ZNF737: variants seen among roughly 807,000 people sequenced by gnomAD.
ZNF737 encodes the protein zinc finger protein 737.
A neutral mutation model predicts 11.7 loss-of-function variants in ZNF737; 13 were observed. That is an observed-to-expected ratio of 1.11 (90% CI 0.73 to 1.77). ZNF737 has a LOEUF of 1.77. ZNF737 is among the 40% of genes most tolerant of loss of function. ZNF737 has a pLI of 0.00. For missense variants in ZNF737, 636 were observed against 638.0 expected, an observed-to-expected ratio of 1.00 and a Z score of 0.03; for synonymous variants, 217 against 216.2, an observed-to-expected ratio of 1.00 and a Z score of -0.03.
downstream of ZNF737, among the ~76,000 whole-genome samples, chr19:20,531,917 A>G (rs1967839018): frequency 1.3e-5 from 2 of 150,310 alleles, no homozygotes; most frequent in Non-Finnish European, 3.0e-5. Flanking sequence ...TCCCCAAAAG[A>G]CATTTTTAAT....
chr19:20,545,946 C>T lies in ZNF737; in HGVS notation c.257G>A (p.Trp86Ter). ...AGAATCTTTTATGCTCTGCTCTGGC[C>T]AAAGATCTCGGGCAAAATGAGAACA... The part of the protein sequence containing the change: ...VTCSHFARDL[W>*]PEQSIKDSFQ... Residue 86 changes from tryptophan (W) to a stop codon, truncating the protein, a stop_gained, in exon 4 of 4, where the codon TGG becomes TAG. Transcript: ENST00000427401. LOFTEE classifies it low-confidence loss of function (END_TRUNC). 1.3e-6 allele frequency: 2 copies of T among 1,558,612 alleles called. No homozygotes were observed. Among genetic ancestry groups the T allele is most frequent in the African/African-American group, 1.4e-5 (1 of 72,386 alleles).
At chr19:20,530,538 C>T in the ZNF737 span, among the ~76,000 whole-genome samples, 1 of 146,670 alleles carries the variant, frequency 6.8e-6, no homozygotes, top group African/African-American at 2.5e-5. Flanking sequence ...GGAGGGTCTC[C>T]TCACTTCTCA....
At chr19:20,556,314 C>A (rs567588871) in intron 1 of ZNF737, among the ~76,000 whole-genome samples, 1 of 152,262 alleles carries the variant, frequency 6.6e-6, no homozygotes, top group South Asian at 2.1e-4. Context: ...CCACCCAGAA[C>A]AATAAACAGA....
chr19:20,549,619 A>C (rs1968592294), intron 3 of ZNF737, among the ~76,000 whole-genome samples: 1 of 152,068 alleles, frequency 6.6e-6, no homozygotes, highest in Admixed American at 6.6e-5. Flanking sequence ...TGTATGCAAC[A>C]TTGAAGTATA....
chr19:20,539,237 C>T lies in ZNF737; in HGVS notation c.*5355G>A, dbSNP rs1968100642. 2 of 876,288 alleles carry T rather than the reference C, an allele frequency of 2.3e-6. No individual in the cohort carries two copies. The highest frequency in any genetic ancestry group is 1.2e-4 in the East Asian group (1 of 8,212). The allele number at this position is 876,288 out of a possible 1,614,324, so 54.3% of individuals were successfully genotyped here. ...CCAGGGAGGTGGAGGTTGCAGTGAG[C>T]TGAGCACGTACCATTGCAGTGCAGC... On this transcript the variant is annotated 3_prime_UTR_variant, in exon 4 of 4. Coordinates refer to ENST00000427401, the MANE Select transcript of ZNF737 (RefSeq NM_001159293.2).
At chr19:20,551,795 A>G (rs1454889084) in intron 3 of ZNF737, among the ~76,000 whole-genome samples, 2 of 151,970 alleles carry the variant, frequency 1.3e-5, no homozygotes, top group Non-Finnish European at 2.9e-5. Flanking sequence ...AAAATATTTT[A>G]TGTCTAGGGA....
chr19:20,554,608 T>C (rs1396467194), intron 1 of ZNF737, among the ~76,000 whole-genome samples: 1 of 152,210 alleles, frequency 6.6e-6, no homozygotes, highest in South Asian at 2.1e-4. Flanking sequence ...TTTTATGTTG[T>C]GCTAATGCAC....
chr19:20,531,688 C>T (rs1359989000), downstream of ZNF737, among the ~76,000 whole-genome samples: 1 of 149,788 alleles, frequency 6.7e-6, no homozygotes, highest in East Asian at 2.0e-4. Context: ...GAACTGCTGA[C>T]CTCAGGTGAT....
At chr19:20,562,533 T>TC in intron 1 of ZNF737, among the ~76,000 whole-genome samples, 1 of 151,750 alleles carries the variant, frequency 6.6e-6, no homozygotes, top group Non-Finnish European at 1.5e-5. Context: ...TTTTTTTTTT[T>TC]CTGTAGTAGA....
chr19:20,552,325 T>TAA (rs1380700049), intron 3 of ZNF737, 150 bp downstream of exon 3: 24 of 501,360 alleles, frequency 4.8e-5, no homozygotes, highest in African/African-American at 3.1e-4. Context: ...GAGCAAAATT[T>TAA]AAAAAAGAAA....
At chr19:20,533,226 G>A (rs1967872171), downstream of ZNF737, among the ~76,000 whole-genome samples, 1 of 150,000 alleles carries the variant, frequency 6.7e-6, no homozygotes, top group Admixed American at 6.6e-5. Context: ...GCAGCAGGAT[G>A]TATATCAGAG....
rs1555755389 is a variant in ZNF737 at position 20,542,601 on chromosome 19, T to A, written c.*1991A>T. The A allele has an allele frequency of 2.1e-5, 20 of 971,496 alleles. No homozygotes were observed. The highest frequency in any genetic ancestry group is 2.4e-5 in the Non-Finnish European group (20 of 817,438). 60.2% of individuals were successfully genotyped at this position (971,496 alleles called of 1,614,324 possible). A position where few individuals can be genotyped will look rare whatever the true frequency, so the allele number is the denominator to read the frequency against. The stretch of plus-strand genomic sequence containing the variant: ...AGTAGTAAAGTAATATACTCATTTA[T>A]TTTAATATACTTTTAATTATTTCTT... On this transcript the variant is annotated 3_prime_UTR_variant, in exon 4 of 4. Transcript: ENST00000427401.
intron 3 of ZNF737, among the ~76,000 whole-genome samples, chr19:20,549,411 T>C (rs1340978600): frequency 1.3e-5 from 2 of 152,030 alleles, no homozygotes; most frequent in African/African-American, 4.8e-5. Flanking sequence ...GTGCAAATCC[T>C]GAGGCCAGCA....
rs1429724657 is a variant in ZNF737, at chr19:20,539,783, G to A, written c.*4809C>T. 165 of 985,240 alleles carry A rather than the reference G, an allele frequency of 1.7e-4. No homozygotes were observed. Among genetic ancestry groups the A allele is most frequent in the Non-Finnish European group, 1.9e-4 (161 of 829,922 alleles). The allele number at this position is 985,240 out of a possible 1,614,324, so 61.0% of individuals were successfully genotyped here. On this transcript the variant is annotated 3_prime_UTR_variant, in exon 4 of 4. Transcript: ENST00000427401. ...TAGGACATTACCCACTGGTCTTCATGGCATTTCTGTAATAAATAGTGTAAA... is the reference window on the plus strand; with the variant it reads ...TAGGACATTACCCACTGGTCTTCATAGCATTTCTGTAATAAATAGTGTAAA...
At chr19:20,557,617 A>T (rs1968937765) in intron 1 of ZNF737, among the ~76,000 whole-genome samples, 1 of 88,198 alleles carries the variant, frequency 1.1e-5, no homozygotes, top group African/African-American at 5.2e-5. Context: ...TTTCTAGGGT[A>T]ATTTTTTTTT....
chr19:20,541,492 G>C lies in ZNF737; in HGVS notation c.*3100C>G, dbSNP rs1968205087. 1.3e-6 allele frequency: 1 copy of C among 799,714 alleles called. No individual in the cohort carries two copies. 49.5% of individuals were successfully genotyped at this position (799,714 alleles called of 1,614,324 possible). On this transcript the variant is annotated 3_prime_UTR_variant, in exon 4 of 4. Transcript: ENST00000427401. ...GATGGAGACTCACTCTGTCAGCCAGGCTGGAGTGCAGTGGCATGATCTCAG... is the reference window on the plus strand; with the variant it reads ...GATGGAGACTCACTCTGTCAGCCAGCCTGGAGTGCAGTGGCATGATCTCAG...
intron 1 of ZNF737, among the ~76,000 whole-genome samples, chr19:20,557,885 G>A (rs1568435439): frequency 6.6e-6 from 1 of 151,972 alleles, no homozygotes. Context: ...AAAGTGCTGG[G>A]ATTACAGGCA....
chr19:20,558,218 A>G (rs66819454), intron 1 of ZNF737, among the ~76,000 whole-genome samples: 17,589 of 151,470 alleles, frequency 0.12, 1,141 homozygotes, highest in Middle Eastern at 0.17. Context: ...AGGGCAGCAG[A>G]GGGCAGCAGT....
At chr19:20,559,312 A>G (rs782300763) in intron 1 of ZNF737, among the ~76,000 whole-genome samples, 75 of 152,230 alleles carry the variant, frequency 4.9e-4, no homozygotes, top group Non-Finnish European at 8.8e-5. Context: ...AGAATTTATT[A>G]GAAACTTAAA....
Sources: gnomAD v4.1 joint callset for allele counts (sites outside exome capture counted in the v4.1 genomes callset) on GRCh38, gnomAD v4.1.1 for gene constraint, MANE v1.5 for transcripts, NCBI Gene and HGNC (gene_info 2026-07-23, HGNC 2026-07-21) for gene names.